Variants in DGKB observed in about 807,000 individuals in gnomAD.
The protein encoded by DGKB is 90 kDa diacylglycerol kinase.
Under a neutral mutation model 114.3 loss-of-function variants are expected in DGKB, and 67 were observed. The ratio of observed to expected loss-of-function variants is 0.59; its 90% confidence interval spans 0.48 to 0.72. The LOEUF (loss-of-function observed/expected upper bound fraction) is 0.72, where lower values mean the gene tolerates loss of function less well. Among genes scored for constraint, DGKB ranks in the 30% least tolerant of loss-of-function variants. DGKB has a pLI of 0.00. For missense variants in DGKB, 907 were observed against 975.2 expected (o/e 0.93, Z 0.93); for synonymous variants, 398 against 323.1 (o/e 1.23, Z -2.49).
intron 22 of DGKB, among the ~76,000 whole-genome samples, chr7:14,341,898 G>A (rs1039833647): frequency 6.6e-6 from 1 of 151,834 alleles, no homozygotes; most frequent in African/African-American, 2.4e-5. Context: ...TACAATTAAT[G>A]ATAAACTGTA....
chr7:14,693,444 A>G (rs1313163213), intron 9 of DGKB, among the ~76,000 whole-genome samples: 2 of 151,886 alleles, frequency 1.3e-5, no homozygotes, highest in Non-Finnish European at 2.9e-5. Flanking sequence ...TTCCTTCACA[A>G]TGGTATTTAA....
At chr7:14,355,736 C>CT (rs945293481) in intron 21 of DGKB, among the ~76,000 whole-genome samples, 50 of 151,386 alleles carry the variant, frequency 3.3e-4, no homozygotes, top group African/African-American at 1.0e-3. Context: ...GTCTAAAATT[C>CT]TTTTTTTTTG....
intron 23 of DGKB, chr7:14,209,683 G>GTCTA (rs529601122): frequency 3.5e-4 from 111 of 314,646 alleles, no homozygotes; most frequent in African/African-American, 2.4e-3. Context: ...TACTTAAATA[G>GTCTA]TCTATCTTCC....
chr7:14,963,868 G>A (rs1057380383), intron 1 of DGKB, among the ~76,000 whole-genome samples: 15 of 152,206 alleles, frequency 9.9e-5, no homozygotes, highest in African/African-American at 3.4e-4. Context: ...ACTGGCAAAC[G>A]TGAATAAATA....
intron 12 of DGKB, 82 bp from the exon 13 acceptor site, chr7:14,673,109 C>A: frequency 4.1e-6 from 3 of 732,244 alleles, no homozygotes; most frequent in Non-Finnish European, 7.1e-6. Context: ...AATCGAGATA[C>A]AGCAAACACA....
chr7:14,206,878 A>G (rs1786916052), intron 23 of DGKB, among the ~76,000 whole-genome samples: 1 of 152,042 alleles, frequency 6.6e-6, no homozygotes, highest in African/African-American at 2.4e-5. Flanking sequence ...AGGCTAATAG[A>G]TTGTACTACA....
In DGKB at chr7:14,505,412, C is replaced by T. The variant is rs1023036265; in HGVS notation, c.1771-27187G>A. Among the ~76,000 whole-genome samples the T allele has an allele frequency of 3.3e-5, 5 of 151,922 alleles. No homozygotes were observed. The South Asian group carries it at 6.2e-4, about 19-fold the overall frequency. ...GAGGTTGCAGTGAGCAGAGATTGTG[C>T]CACTGCAGCCCAGTCTGGGAGACAG... is the stretch of plus-strand genomic sequence containing the variant. On this transcript the variant is annotated intron_variant, in intron 20 of 25. Transcript: ENST00000402815.
chr7:14,760,797 A>G (rs1835573385), intron 2 of DGKB, among the ~76,000 whole-genome samples: 3 of 152,278 alleles, frequency 2.0e-5, no homozygotes, highest in Admixed American at 6.6e-5. Flanking sequence ...GGTTTCTATG[A>G]GAGTAAAAAA....
intron 20 of DGKB, among the ~76,000 whole-genome samples, chr7:14,500,508 T>C (rs1785998575): frequency 6.6e-6 from 1 of 151,642 alleles, no homozygotes; most frequent in Admixed American, 6.6e-5. Flanking sequence ...CCTAAAATAG[T>C]ACAATCAAGA....
intron 21 of DGKB, among the ~76,000 whole-genome samples, chr7:14,434,788 A>G (rs1358785439): frequency 6.6e-6 from 1 of 152,186 alleles, no homozygotes; most frequent in Non-Finnish European, 1.5e-5. Flanking sequence ...CTAGCGACCA[A>G]AGAGCCTCAA....
At chr7:14,470,892 T>C (rs1781181535) in intron 21 of DGKB, among the ~76,000 whole-genome samples, 1 of 151,524 alleles carries the variant, frequency 6.6e-6, no homozygotes, top group African/African-American at 2.4e-5. Flanking sequence ...AAGCATTTTG[T>C]TGAATTCACA....
At chr7:14,379,850 GC>G (rs1320785655) in intron 21 of DGKB, among the ~76,000 whole-genome samples, 1 of 149,350 alleles carries the variant, frequency 6.7e-6, no homozygotes, top group Non-Finnish European at 1.5e-5. Flanking sequence ...GAGCGAGCGG[GC>G]CCGGCCTTAA....
At chr7:14,570,819 C>A (rs1263212258) in intron 20 of DGKB, among the ~76,000 whole-genome samples, 2 of 151,860 alleles carry the variant, frequency 1.3e-5, no homozygotes, top group Non-Finnish European at 2.9e-5. Flanking sequence ...CTGGGTATAA[C>A]TTTTATTGAA....
intron 2 of DGKB, among the ~76,000 whole-genome samples, chr7:14,791,977 A>G (rs1361397239): frequency 6.6e-6 from 1 of 152,104 alleles, no homozygotes; most frequent in African/African-American, 2.4e-5. Flanking sequence ...CAAGCTTTAT[A>G]ATATGAATTG....
intron 2 of DGKB, among the ~76,000 whole-genome samples, chr7:14,826,507 T>C (rs1438726670): frequency 6.6e-6 from 1 of 152,138 alleles, no homozygotes; most frequent in Non-Finnish European, 1.5e-5. Flanking sequence ...GCATTCCTGT[T>C]GGAAAGCAGT....
intron 23 of DGKB, among the ~76,000 whole-genome samples, chr7:14,194,469 T>G (rs539463998): frequency 6.6e-6 from 1 of 152,116 alleles, no homozygotes; most frequent in South Asian, 2.1e-4. Flanking sequence ...CCACATTATC[T>G]CACTCATTTT....
Position 14,199,904 on chromosome 7 carries a change from A to G in DGKB, c.2123-21753T>C, listed in dbSNP as rs551975101. Among the ~76,000 whole-genome samples, 52 of 152,192 alleles carry G rather than the reference A, an allele frequency of 3.4e-4. No individual in the cohort carries two copies. The Middle Eastern group carries it at 0.02, about 60-fold the overall frequency. On this transcript the variant is annotated intron_variant, in intron 23 of 25. Coordinates refer to ENST00000402815, the MANE Select transcript of DGKB (RefSeq NM_001350709.2). The stretch of plus-strand genomic sequence containing the variant: ...TACAATGTCAGAAATTATGAAAACA[A>G]GGATCAAAACAAACAAACAAACAAA...
At chr7:14,196,798 TAAAA>T (rs199760144) in intron 23 of DGKB, among the ~76,000 whole-genome samples, 1 of 148,832 alleles carries the variant, frequency 6.7e-6, no homozygotes, top group Non-Finnish European at 1.5e-5. Context: ...GAGCTTGAAT[TAAAA>T]AAAAAATAAG....
chr7:14,372,448 T>G (rs565709003), intron 21 of DGKB, among the ~76,000 whole-genome samples: 1 of 152,184 alleles, frequency 6.6e-6, no homozygotes, highest in African/African-American at 2.4e-5. Flanking sequence ...GGGTTTATGG[T>G]GAACTTAACC....
Sources: allele counts gnomAD v4.1 joint callset (sites outside exome capture counted in the v4.1 genomes callset), GRCh38; gene constraint gnomAD v4.1.1; transcripts MANE v1.5; gene names NCBI Gene and HGNC (gene_info 2026-07-23, HGNC 2026-07-21).